The following ROBO1 variants were observed in gnomAD, a reference collection of about 807,000 sequenced individuals.
ROBO1 encodes the protein roundabout homolog 1.
ROBO1 carries 149 observed loss-of-function variants against 195.9 expected under a neutral mutation model. The ratio of observed to expected loss-of-function variants is 0.76; its 90% confidence interval spans 0.67 to 0.87. ROBO1 has a LOEUF of 0.87. Ranked by LOEUF, ROBO1 falls within the 40% of genes least tolerant of loss-of-function variation. The probability of loss-of-function intolerance (pLI) is 0.00; values close to 1 mark genes in which losing one functional copy is unlikely to be tolerated. For missense variants in ROBO1, 1,933 were observed against 2,068.3 expected (o/e 0.93, Z 1.27); for synonymous variants, 816 against 733.2 (o/e 1.11, Z -1.82).
intron 16 of ROBO1, 146 bp downstream of exon 16, chr3:78,660,880 TAAAC>T: frequency 3.2e-6 from 2 of 630,178 alleles, no homozygotes; most frequent in Non-Finnish European, 2.6e-6. Flanking sequence ...GTTTTCTAAA[TAAAC>T]AAATACTGTT....
At chr3:79,621,001 T>C (rs1012736789) in intron 1 of ROBO1, among the ~76,000 whole-genome samples, 14 of 152,078 alleles carry the variant, frequency 9.2e-5, no homozygotes, top group Non-Finnish European at 1.3e-4. Flanking sequence ...GCCAAACCCA[T>C]ATACTCTCCT....
intron 20 of ROBO1, among the ~76,000 whole-genome samples, chr3:78,646,905 G>A (rs1161817075): frequency 6.6e-6 from 1 of 151,922 alleles, no homozygotes; most frequent in East Asian, 1.9e-4. Flanking sequence ...AGGCTAAGTG[G>A]TTAAGAAGAT....
At chr3:78,794,024 T>C (rs1394979202) in intron 4 of ROBO1, among the ~76,000 whole-genome samples, 1 of 152,162 alleles carries the variant, frequency 6.6e-6, no homozygotes, top group Non-Finnish European at 1.5e-5. Context: ...AAAGTTAAGA[T>C]TTGGTCAAAT....
At chr3:79,715,822 A>G (rs928060383) in intron 1 of ROBO1, among the ~76,000 whole-genome samples, 5 of 152,140 alleles carry the variant, frequency 3.3e-5, no homozygotes, top group Admixed American at 2.0e-4. Context: ...ATGTCCAGAC[A>G]GAATTACATT....
At chr3:79,557,016 T>C (rs1942725926) in intron 2 of ROBO1, among the ~76,000 whole-genome samples, 1 of 143,810 alleles carries the variant, frequency 7.0e-6, no homozygotes, top group South Asian at 2.1e-4. Context: ...TTCCTTTTTT[T>C]GTTGTTTTTT....
intron 2 of ROBO1, among the ~76,000 whole-genome samples, chr3:79,309,985 A>G (rs2033404817): frequency 6.6e-6 from 1 of 152,192 alleles, no homozygotes; most frequent in African/African-American, 2.4e-5. Flanking sequence ...ACCATATTTA[A>G]CTGTTGTTCA....
At chr3:79,242,800 T>G (rs1002619203) in intron 2 of ROBO1, among the ~76,000 whole-genome samples, 3 of 152,166 alleles carry the variant, frequency 2.0e-5, no homozygotes, top group Admixed American at 1.3e-4. Context: ...ATTGACTGTC[T>G]GTGATGTCCC....
intron 2 of ROBO1, among the ~76,000 whole-genome samples, chr3:79,483,244 A>G (rs894375939): frequency 1.3e-5 from 2 of 152,198 alleles, no homozygotes; most frequent in East Asian, 3.9e-4. Context: ...AAGTGGAACA[A>G]AAAATGAAAG....
chr3:79,538,143 A>G (rs1446470993), intron 2 of ROBO1, among the ~76,000 whole-genome samples: 6 of 152,140 alleles, frequency 3.9e-5, no homozygotes, highest in African/African-American at 1.4e-4. Context: ...TACATATGCT[A>G]TATAATTTTA....
intron 3 of ROBO1, among the ~76,000 whole-genome samples, chr3:79,095,798 C>T (rs1195916655): frequency 1.3e-5 from 2 of 151,864 alleles, no homozygotes; most frequent in Non-Finnish European, 1.5e-5. Context: ...TAATTAAATC[C>T]CCATTATTCC....
At chr3:78,888,436 T>A (rs909928432) in intron 4 of ROBO1, among the ~76,000 whole-genome samples, 2 of 152,174 alleles carry the variant, frequency 1.3e-5, no homozygotes, top group African/African-American at 2.4e-5. Flanking sequence ...TCTTCTGTGG[T>A]TAGAGACTTA....
At chr3:79,047,541 A>C (rs1337542871) in intron 3 of ROBO1, among the ~76,000 whole-genome samples, 1 of 152,146 alleles carries the variant, frequency 6.6e-6, no homozygotes, top group Admixed American at 6.6e-5. Flanking sequence ...TGAATATCTT[A>C]AAAAGATCAA....
chr3:79,119,467 A>G (rs2080076037), intron 3 of ROBO1, among the ~76,000 whole-genome samples: 1 of 152,188 alleles, frequency 6.6e-6, no homozygotes, highest in Non-Finnish European at 1.5e-5. Context: ...GCTTGCTTGC[A>G]TATTTTCCAA....
intron 3 of ROBO1, among the ~76,000 whole-genome samples, chr3:79,091,086 A>G (rs1466401784): frequency 6.6e-6 from 1 of 152,170 alleles, no homozygotes; most frequent in Non-Finnish European, 1.5e-5. Context: ...CGAGTACAGT[A>G]TGCCGTTACA....
chr3:78,760,241 C>A (rs963996024), intron 4 of ROBO1, among the ~76,000 whole-genome samples: 6 of 152,154 alleles, frequency 3.9e-5, no homozygotes, highest in African/African-American at 1.4e-4. Context: ...GTAAATTACC[C>A]ATTCTCAGCT....
chr3:79,174,739 G>A (rs1260844486), intron 2 of ROBO1, among the ~76,000 whole-genome samples: 1 of 151,482 alleles, frequency 6.6e-6, no homozygotes, highest in African/African-American at 2.4e-5. Flanking sequence ...ATGTGTGGTC[G>A]CAGCTACTCA....
intron 2 of ROBO1, among the ~76,000 whole-genome samples, chr3:79,430,066 A>C (rs2038613235): frequency 6.6e-6 from 1 of 151,938 alleles, no homozygotes. Flanking sequence ...TTTATGATAC[A>C]ATTTTAAAAT....
At chr3:78,907,392 G>T (rs1245238238) in intron 4 of ROBO1, among the ~76,000 whole-genome samples, 1 of 152,100 alleles carries the variant, frequency 6.6e-6, no homozygotes, top group Non-Finnish European at 1.5e-5. Flanking sequence ...TTTGCAGAAA[G>T]GTTCAAGGTC....
intron 2 of ROBO1, among the ~76,000 whole-genome samples, chr3:79,330,225 C>T (rs1423062586): frequency 1.3e-5 from 2 of 148,680 alleles, no homozygotes; most frequent in Admixed American, 6.7e-5. Flanking sequence ...GTAACCTGCA[C>T]ATTGTGCACA....
Sources: allele counts gnomAD v4.1 joint callset (sites outside exome capture counted in the v4.1 genomes callset), GRCh38; gene constraint gnomAD v4.1.1; transcripts MANE v1.5; gene names NCBI Gene and HGNC (gene_info 2026-07-23, HGNC 2026-07-21).